Variants in EPHX4 observed in about 807,000 individuals in gnomAD.
EPHX4 encodes abhydrolase domain containing 7.
Under a neutral mutation model 44.9 loss-of-function variants are expected in EPHX4, and 31 were observed. The ratio of observed to expected loss-of-function variants is 0.69; its 90% confidence interval spans 0.52 to 0.93. The LOEUF is 0.93. Among genes scored for constraint, EPHX4 ranks in the 40% least tolerant of loss-of-function variants. The pLI is 0.00. For missense variants in EPHX4, 373 were observed against 438.1 expected (o/e 0.85, Z 1.33); for synonymous variants, 151 against 159.7 (o/e 0.95, Z 0.41).
Position 92,030,084 on chromosome 1 carries a change from C to T in EPHX4, c.5C>T (p.Ala2Val), listed in dbSNP as rs748994517. The T allele has an allele frequency of 1.9e-6, 3 of 1,593,258 alleles. No individual in the cohort carries two copies. The highest frequency in any genetic ancestry group is 2.6e-6 in the Non-Finnish European group (3 of 1,171,964). The change falls in exon 1 of 7, where the codon GCG becomes GTG. Residue 2 changes from alanine (A) to valine (V), a missense_variant. Ala to Val is a moderately conservative substitution (Grantham distance 64, BLOSUM62 0). Coordinates refer to ENST00000370383, the MANE Select transcript of EPHX4 (RefSeq NM_173567.5). Reference protein sequence around the residue: MARLRDCLPRLM... With the variant: MVRLRDCLPRLM... Reference sequence around the variant, plus strand: ...GGGCCCCGCCGCCGCCTCCCAATGGCGAGGCTGCGGGATTGCCTGCCCCGC... The same window carrying T: ...GGGCCCCGCCGCCGCCTCCCAATGGTGAGGCTGCGGGATTGCCTGCCCCGC...
intron 6 of EPHX4, among the ~76,000 whole-genome samples, chr1:92,056,643 T>A (rs567340757): frequency 4.6e-5 from 7 of 151,620 alleles, no homozygotes; most frequent in Admixed American, 3.9e-4. Flanking sequence ...ACACATTCTT[T>A]TCTTTTTTTT....
Position 92,030,090 on chromosome 1 carries a change from T to A in EPHX4, c.11T>A (p.Leu4Gln). The change falls in exon 1 of 7, where the codon CTG (leucine) becomes CAG (glutamine). Residue 4 changes from leucine (L) to glutamine (Q), a missense_variant. Leu to Gln is a moderately radical substitution (Grantham distance 113, BLOSUM62 -2). Transcript: ENST00000370383. Reference protein sequence around the residue: MARLRDCLPRLMLT... With the variant: MARQRDCLPRLMLT... ...CGCCGCCGCCTCCCAATGGCGAGGC[T>A]GCGGGATTGCCTGCCCCGCCTGATG... The A allele has an allele frequency of 6.3e-7, 1 of 1,599,654 alleles. No homozygotes were observed. Among genetic ancestry groups the A allele is most frequent in the Non-Finnish European group, 8.5e-7 (1 of 1,174,642 alleles).
chr1:92,034,749 C>G (rs1000457239), intron 2 of EPHX4, among the ~76,000 whole-genome samples: 4 of 151,188 alleles, frequency 2.6e-5, no homozygotes, highest in African/African-American at 7.3e-5. Context: ...TCAAGTGATT[C>G]TCCAGCCTCA....
intron 4 of EPHX4, among the ~76,000 whole-genome samples, chr1:92,046,900 A>G (rs1052439065): frequency 6.6e-6 from 1 of 152,186 alleles, no homozygotes; most frequent in African/African-American, 2.4e-5. Context: ...ATCATCATGC[A>G]TTGTAAGATG....
intron 3 of EPHX4, 43 bp downstream of exon 3, chr1:92,043,023 C>T (rs1183442503): frequency 6.9e-7 from 1 of 1,452,632 alleles, no homozygotes; most frequent in South Asian, 1.3e-5. Flanking sequence ...AAGGGACAAA[C>T]ATTCAACAAA....
chr1:92,032,018 ACGGG>A (rs1361546598), intron 1 of EPHX4, among the ~76,000 whole-genome samples: 1 of 152,228 alleles, frequency 6.6e-6, no homozygotes, highest in Admixed American at 6.5e-5. Flanking sequence ...ACAGCTCTTG[ACGGG>A]CAAGCTGAGA....
chr1:92,036,896 C>T (rs1426388379), intron 2 of EPHX4, among the ~76,000 whole-genome samples: 3 of 151,916 alleles, frequency 2.0e-5, no homozygotes, highest in Non-Finnish European at 4.4e-5. Flanking sequence ...TTCAATCAAT[C>T]AAATTGCCAC....
In EPHX4 at chr1:92,034,645, C is replaced by CTTTTT. The variant is rs55868882; in HGVS notation, c.317+2068_317+2072dup. ...AAAGGATTACTACCTTAAGACGCTTCTTTTTTTTTTTTTTTTTAAACAGTC... is the reference window on the plus strand; with the variant it reads ...AAAGGATTACTACCTTAAGACGCTTCTTTTTTTTTTTTTTTTTTTTTTAAACAGTC... On this transcript the variant is annotated intron_variant, in intron 2 of 6. Coordinates refer to ENST00000370383, the MANE Select transcript of EPHX4 (RefSeq NM_173567.5). Among the ~76,000 whole-genome samples, 2 of 146,156 alleles carry CTTTTT rather than the reference C, an allele frequency of 1.4e-5. 1 individual carries two copies. The highest frequency in any genetic ancestry group is 3.0e-5 in the Non-Finnish European group (2 of 66,782).
chr1:92,053,620 G>A (rs2101874211), intron 6 of EPHX4, among the ~76,000 whole-genome samples: 1 of 152,248 alleles, frequency 6.6e-6, no homozygotes. Context: ...GAGATGGAGA[G>A]AGTGGGCAGA....
In EPHX4 at chr1:92,063,090, CA is replaced by C; in HGVS notation, c.895del (p.Thr299HisfsTer30). The C allele has an allele frequency of 6.2e-7, 1 of 1,613,930 alleles. No individual in the cohort carries two copies. The highest frequency in any genetic ancestry group is 8.5e-7 in the Non-Finnish European group (1 of 1,179,938). ...CTCAAACATCACATGGTGACCACTC[CA>C]ACACTACTACTGTGGGGAGAGAATG... ...LPLKHHMVTT[P>X]TLLLWGENDA... On this transcript the variant is annotated frameshift_variant, in exon 7 of 7. Coordinates refer to ENST00000370383, the MANE Select transcript of EPHX4 (RefSeq NM_173567.5). LOFTEE classifies it high-confidence loss of function.
At position 92,033,207 on chromosome 1, in the gene EPHX4, G is replaced by A. The variant is rs115694895; in HGVS notation, c.317+617G>A. ...TGGGATTACAGATGTAAGCCACCAC[G>A]CCAAGCCTCTTGTAATGACTTTTAA... is the stretch of plus-strand genomic sequence containing the variant. On this transcript the variant is annotated intron_variant, in intron 2 of 6. Transcript: ENST00000370383. Among the ~76,000 whole-genome samples, 426 of 151,626 alleles carry A rather than the reference G, an allele frequency of 2.8e-3. 2 individuals are homozygous for A. The highest frequency in any genetic ancestry group is 0.016 in the East Asian group (80 of 5,146).
chr1:92,052,478 A>G (rs924517992), intron 5 of EPHX4, 32 bp from the exon 6 acceptor site: 1 of 1,553,158 alleles, frequency 6.4e-7, no homozygotes, highest in African/African-American at 1.4e-5. Context: ...ATAACAAAAA[A>G]GTTTTAATTA....
At chr1:92,058,324 C>T (rs1384746244) in intron 6 of EPHX4, among the ~76,000 whole-genome samples, 1 of 151,748 alleles carries the variant, frequency 6.6e-6, no homozygotes, top group East Asian at 1.9e-4. Context: ...GTCTGTAATC[C>T]CAGCTGCTCG....
At chr1:92,057,308 A>C (rs918688240) in intron 6 of EPHX4, among the ~76,000 whole-genome samples, 17 of 152,138 alleles carry the variant, frequency 1.1e-4, no homozygotes, top group African/African-American at 3.9e-4. Flanking sequence ...TTAAGAAAAA[A>C]CAGAAGGCAC....
intron 5 of EPHX4, among the ~76,000 whole-genome samples, chr1:92,052,291 G>A (rs1442210225): frequency 1.3e-5 from 2 of 151,980 alleles, no homozygotes; most frequent in East Asian, 3.8e-4. Context: ...AATGCAGTGT[G>A]CAGGGGGGAT....
chr1:92,048,027 T>C (rs1688606440), intron 4 of EPHX4, among the ~76,000 whole-genome samples: 1 of 152,224 alleles, frequency 6.6e-6, no homozygotes, highest in Non-Finnish European at 1.5e-5. Context: ...TTAAGTTTTC[T>C]GAGGTTCAAG....
At chr1:92,060,441 C>CAA (rs111746173) in intron 6 of EPHX4, among the ~76,000 whole-genome samples, 8 of 119,296 alleles carry the variant, frequency 6.7e-5, no homozygotes, top group South Asian at 2.8e-4. Flanking sequence ...GACCCTGTCT[C>CAA]AAAAAAAAAA....
chr1:92,050,099 A>AAAAAAAT (rs987040394), intron 4 of EPHX4, among the ~76,000 whole-genome samples: 1 of 152,060 alleles, frequency 6.6e-6, no homozygotes, highest in African/African-American at 2.4e-5. Context: ...ACTCTGTCTC[A>AAAAAAAT]AAAAAATAAA....
At position 92,062,932 on chromosome 1, in the gene EPHX4, A is replaced by G. The variant is rs560448711; in HGVS notation, c.858-123A>G. 317 of 800,206 alleles carry G rather than the reference A, an allele frequency of 4.0e-4. 1 individual carries two copies. The highest frequency in any genetic ancestry group is 4.3e-4 in the Non-Finnish European group (215 of 496,690). The allele number at this position is 800,206 out of a possible 1,614,324, so 49.6% of individuals were successfully genotyped here. On this transcript the variant is annotated intron_variant, in intron 6 of 6. Transcript: ENST00000370383. ...TTTTTTTCACCCTCCCAAGAACACA[A>G]TTTTCACCCTTTTAGAGGCAAGATT...
Sources: allele counts gnomAD v4.1 joint callset (sites outside exome capture counted in the v4.1 genomes callset), GRCh38; gene constraint gnomAD v4.1.1; transcripts MANE v1.5; gene names NCBI Gene and HGNC (gene_info 2026-07-23, HGNC 2026-07-21).